The following TNFAIP8 variants were observed in gnomAD, a reference collection of about 807,000 sequenced individuals.
TNFAIP8 encodes the protein TNF alpha induced protein 8, also known as tumor necrosis factor alpha-induced protein 8.
In TNFAIP8, 7 loss-of-function variants were observed where a neutral mutation model predicts 13.3. That is an observed-to-expected ratio of 0.52 (90% CI 0.30 to 0.99). The LOEUF (loss-of-function observed/expected upper bound fraction) is 0.99, where lower values mean the gene tolerates loss of function less well. TNFAIP8 is among the 50% of genes least tolerant of loss of function. TNFAIP8 has a pLI of 0.07. For synonymous variants in TNFAIP8, 94 were observed against 87.6 expected, an observed-to-expected ratio of 1.07 and a Z score of -0.41; for missense variants, 258 against 236.9, an observed-to-expected ratio of 1.09 and a Z score of -0.58.
chr5:119,389,990 A>G (rs942639241), intron 1 of TNFAIP8, among the ~76,000 whole-genome samples: 7 of 152,180 alleles, frequency 4.6e-5, no homozygotes, highest in South Asian at 2.1e-4. Context: ...TTTGTTTTCC[A>G]TGTTTGAAGT....
chr5:119,339,930 T>C (rs1183459984), intron 1 of TNFAIP8, among the ~76,000 whole-genome samples: 1 of 152,226 alleles, frequency 6.6e-6, no homozygotes, highest in Non-Finnish European at 1.5e-5. Flanking sequence ...AATGTAAAGC[T>C]TTGGAAGCTG....
chr5:119,280,458 A>T (rs1377361162), intron 1 of TNFAIP8, among the ~76,000 whole-genome samples: 1 of 152,010 alleles, frequency 6.6e-6, no homozygotes, highest in Non-Finnish European at 1.5e-5. Context: ...AGTTTCCCAC[A>T]GTGTTGATAA....
intron 1 of TNFAIP8, among the ~76,000 whole-genome samples, chr5:119,284,205 G>A (rs1233593585): frequency 1.3e-5 from 2 of 152,148 alleles, no homozygotes; most frequent in Non-Finnish European, 2.9e-5. Context: ...TTCAAATCCG[G>A]TGGTTTCTAA....
At chr5:119,380,188 T>C (rs768225649) in intron 1 of TNFAIP8, among the ~76,000 whole-genome samples, 2 of 152,240 alleles carry the variant, frequency 1.3e-5, no homozygotes, top group Non-Finnish European at 2.9e-5. Flanking sequence ...AAACCAGAAA[T>C]TCATTTAAAA....
chr5:119,383,105 C>T (rs1404486679), intron 1 of TNFAIP8, among the ~76,000 whole-genome samples: 3 of 152,220 alleles, frequency 2.0e-5, no homozygotes, highest in East Asian at 3.9e-4. Flanking sequence ...GATAATTTTC[C>T]CCCATAAGAC....
At chr5:119,305,640 T>C (rs1017605550) in intron 1 of TNFAIP8, among the ~76,000 whole-genome samples, 13 of 152,186 alleles carry the variant, frequency 8.5e-5, no homozygotes, top group African/African-American at 2.9e-4. Context: ...GAAACAAAGT[T>C]TGTTAAACTC....
Position 119,393,266 on chromosome 5 carries a change from A to C in TNFAIP8, c.482A>C (p.His161Pro), listed in dbSNP as rs1317157584. Reference protein sequence around the residue: ...SHGRVNNVFDHFSDCEFLAAL... With the variant: ...SHGRVNNVFDPFSDCEFLAAL... Reference sequence around the variant, plus strand: ...GGACGGGTTAATAATGTGTTTGATCATTTTTCAGATTGTGAATTTTTGGCT... The same window carrying C: ...GGACGGGTTAATAATGTGTTTGATCCTTTTTCAGATTGTGAATTTTTGGCT... Residue 161 changes from histidine to proline, a missense_variant, in exon 2 of 2, where the codon CAT becomes CCT. Transcript: ENST00000504771. 1 of 1,613,952 alleles carries C rather than the reference A, an allele frequency of 6.2e-7. No individual in the cohort carries two copies. The highest frequency in any genetic ancestry group is 2.2e-5 in the East Asian group (1 of 44,876).
intron 1 of TNFAIP8, among the ~76,000 whole-genome samples, chr5:119,323,974 T>C (rs1750137356): frequency 6.6e-6 from 1 of 152,110 alleles, no homozygotes. Context: ...TTAAAGGAAA[T>C]AGACAAAAGC....
At chr5:119,315,946 A>G (rs1052861495) in intron 1 of TNFAIP8, among the ~76,000 whole-genome samples, 1 of 152,048 alleles carries the variant, frequency 6.6e-6, no homozygotes, top group Admixed American at 6.6e-5. Context: ...GCAGCTCCAG[A>G]GTTTCTTCAT....
chr5:119,356,152 C>G, intron 1 of TNFAIP8, 31 bp downstream of exon 1: 1 of 1,549,564 alleles, frequency 6.5e-7, no homozygotes, highest in Middle Eastern at 1.7e-4. Flanking sequence ...GGGGGCCGGC[C>G]AAGTTCTGCG....
intron 1 of TNFAIP8, among the ~76,000 whole-genome samples, chr5:119,349,282 A>C (rs533404484): frequency 3.3e-5 from 5 of 152,208 alleles, no homozygotes; most frequent in Non-Finnish European, 5.9e-5. Flanking sequence ...GGCCTTAATC[A>C]TGATTATATT....
chr5:119,270,546 A>G (rs1039202952), intron 1 of TNFAIP8, among the ~76,000 whole-genome samples: 3 of 152,228 alleles, frequency 2.0e-5, no homozygotes, highest in African/African-American at 7.2e-5. Flanking sequence ...ACAGGGGCCC[A>G]CAAGTAATTG....
At chr5:119,272,940 T>C (rs989919082) in intron 1 of TNFAIP8, among the ~76,000 whole-genome samples, 14 of 152,232 alleles carry the variant, frequency 9.2e-5, no homozygotes, top group Admixed American at 9.2e-4. Flanking sequence ...GGTCACAGGA[T>C]TGAGACTCCA....
At chr5:119,327,206 G>A (rs1750249955) in intron 1 of TNFAIP8, among the ~76,000 whole-genome samples, 1 of 152,178 alleles carries the variant, frequency 6.6e-6, no homozygotes, top group African/African-American at 2.4e-5. Context: ...CCCTGTCGTT[G>A]AGTAAATTTC....
chr5:119,353,120 G>A (rs1273207343), upstream of TNFAIP8, among the ~76,000 whole-genome samples: 4 of 152,188 alleles, frequency 2.6e-5, no homozygotes, highest in African/African-American at 4.8e-5. Context: ...TCAGGCGGGC[G>A]GTAATAGTTT....
chr5:119,320,645 T>C (rs572177418), intron 1 of TNFAIP8, among the ~76,000 whole-genome samples: 4 of 152,308 alleles, frequency 2.6e-5, no homozygotes, highest in African/African-American at 9.6e-5. Flanking sequence ...CAGTAGTAGT[T>C]GGCATCATCC....
intron 1 of TNFAIP8, among the ~76,000 whole-genome samples, chr5:119,319,541 CAT>C (rs1343590802): frequency 1.3e-5 from 2 of 152,076 alleles, no homozygotes; most frequent in African/African-American, 2.4e-5. Flanking sequence ...TGCGTACACA[CAT>C]GTTGTGGGAG....
At chr5:119,296,911 C>T (rs1045453080) in intron 1 of TNFAIP8, among the ~76,000 whole-genome samples, 1 of 151,758 alleles carries the variant, frequency 6.6e-6, no homozygotes, top group South Asian at 2.1e-4. Flanking sequence ...AGTTTATTTG[C>T]GTAGAGGTGT....
intron 1 of TNFAIP8, among the ~76,000 whole-genome samples, chr5:119,319,874 C>G (rs563278531): frequency 4.9e-4 from 75 of 152,266 alleles, no homozygotes; most frequent in Admixed American, 1.4e-3. Flanking sequence ...ACAGGAGTTA[C>G]TAGTTTTCGT....
Sources: gnomAD v4.1 joint callset for allele counts (sites outside exome capture counted in the v4.1 genomes callset) on GRCh38, gnomAD v4.1.1 for gene constraint, MANE v1.5 for transcripts, NCBI Gene and HGNC (gene_info 2026-07-23, HGNC 2026-07-21) for gene names.